RBFOX1: variants seen among roughly 807,000 people sequenced by gnomAD.
RBFOX1 encodes RNA binding fox-1 homolog 1, also known as RNA binding protein fox-1 homolog 1.
In RBFOX1, 8 loss-of-function variants were observed where a neutral mutation model predicts 57.7. The observed-to-expected ratio is 0.14, with a 90% CI of 0.08 to 0.25. RBFOX1 has a LOEUF of 0.25. Among genes scored for constraint, RBFOX1 ranks in the 10% least tolerant of loss-of-function variants. RBFOX1 has a pLI of 1.00. For missense variants in RBFOX1, 611 were observed against 548.5 expected (o/e 1.11, Z -1.14); for synonymous variants, 326 against 222.4 (o/e 1.47, Z -4.15).
intron 2 of RBFOX1, among the ~76,000 whole-genome samples, chr16:6,637,174 T>TTA (rs1191238278): frequency 1.4e-5 from 1 of 71,574 alleles, no homozygotes; most frequent in African/African-American, 7.8e-5. Flanking sequence ...ATATTATATA[T>TTA]ATTATATAAT....
chr16:6,096,778 G>A (rs2096249744), intron 1 of RBFOX1, among the ~76,000 whole-genome samples: 2 of 152,290 alleles, frequency 1.3e-5, no homozygotes, highest in Admixed American at 6.5e-5. Flanking sequence ...TAATACCCTT[G>A]ATTATCTACC....
At chr16:7,668,107 TCAA>T (rs1002832994) in intron 13 of RBFOX1, among the ~76,000 whole-genome samples, 4 of 152,138 alleles carry the variant, frequency 2.6e-5, no homozygotes, top group Admixed American at 2.6e-4. Flanking sequence ...TCAGAGCAGG[TCAA>T]CAACTCAACA....
At chr16:7,502,360 A>T (rs961913023) in intron 4 of RBFOX1, among the ~76,000 whole-genome samples, 15 of 152,228 alleles carry the variant, frequency 9.9e-5, no homozygotes, top group African/African-American at 3.4e-4. Context: ...CTCTGGTTTC[A>T]TGTAAGAAAA....
intron 3 of RBFOX1, among the ~76,000 whole-genome samples, chr16:5,655,979 C>T (rs535175819): frequency 6.6e-6 from 1 of 152,320 alleles, no homozygotes; most frequent in South Asian, 2.1e-4. Flanking sequence ...GTCTTGTTCA[C>T]CACAATGTCA....
chr16:7,428,447 C>T (rs773318141), intron 4 of RBFOX1, among the ~76,000 whole-genome samples: 3 of 147,282 alleles, frequency 2.0e-5, no homozygotes, highest in African/African-American at 7.4e-5. Context: ...CTGCCTCAGC[C>T]CCCTGAGTAG....
intron 1 of RBFOX1, among the ~76,000 whole-genome samples, chr16:5,455,020 TTTC>T (rs1555524318): frequency 8.6e-6 from 1 of 115,914 alleles, no homozygotes; most frequent in African/African-American, 3.2e-5. Flanking sequence ...TCTTTCTTTC[TTTC>T]TCTCTCTCTG....
At chr16:5,747,906 C>G (rs13156835) in intron 3 of RBFOX1, among the ~76,000 whole-genome samples, 1 of 151,970 alleles carries the variant, frequency 6.6e-6, no homozygotes, top group African/African-American at 2.4e-5. Context: ...TTATTTCTTG[C>G]CTTCTGCTAG....
At chr16:6,811,669 C>T (rs778816301) in intron 3 of RBFOX1, among the ~76,000 whole-genome samples, 1 of 152,046 alleles carries the variant, frequency 6.6e-6, no homozygotes, top group Non-Finnish European at 1.5e-5. Context: ...GCGGGTAGAT[C>T]ATCTGAAGTC....
At chr16:6,761,612 G>C (rs967685673) in intron 3 of RBFOX1, among the ~76,000 whole-genome samples, 4 of 136,394 alleles carry the variant, frequency 2.9e-5, no homozygotes, top group African/African-American at 5.3e-5. Flanking sequence ...GATTCAAGCA[G>C]TTCTCTGCCT....
chr16:7,204,883 T>A (rs1172976261), intron 4 of RBFOX1, among the ~76,000 whole-genome samples: 1 of 152,244 alleles, frequency 6.6e-6, no homozygotes, highest in South Asian at 2.1e-4. Flanking sequence ...TGTTCTTGAC[T>A]GTTTTGGATA....
At chr16:6,501,665 C>A (rs1259639119) in intron 2 of RBFOX1, among the ~76,000 whole-genome samples, 1 of 152,120 alleles carries the variant, frequency 6.6e-6, no homozygotes, top group Non-Finnish European at 1.5e-5. Context: ...TAGACAAGGG[C>A]TCCTTCTCCT....
chr16:6,561,857 G>T (rs774904016), intron 2 of RBFOX1, among the ~76,000 whole-genome samples: 1 of 152,118 alleles, frequency 6.6e-6, no homozygotes, highest in Non-Finnish European at 1.5e-5. Context: ...TCCACAAGTT[G>T]GATTCTGGTG....
chr16:6,610,778 G>C (rs745976793), intron 2 of RBFOX1, among the ~76,000 whole-genome samples: 1 of 152,194 alleles, frequency 6.6e-6, no homozygotes, highest in Non-Finnish European at 1.5e-5. Flanking sequence ...CAAAATGTCT[G>C]TGACTTTCAC....
At chr16:7,608,331 C>G (rs1024492037) in intron 10 of RBFOX1, among the ~76,000 whole-genome samples, 3 of 152,144 alleles carry the variant, frequency 2.0e-5, no homozygotes, top group Admixed American at 1.3e-4. Context: ...TACTCTGGCA[C>G]AACAACCAGT....
chr16:6,424,178 G>T (rs768571373), intron 2 of RBFOX1, among the ~76,000 whole-genome samples: 1 of 152,210 alleles, frequency 6.6e-6, no homozygotes, highest in African/African-American at 2.4e-5. Flanking sequence ...GGCAGAGGTT[G>T]CAGTGAGCTA....
At chr16:6,469,743 G>A (rs190423875) in intron 2 of RBFOX1, among the ~76,000 whole-genome samples, 3 of 152,240 alleles carry the variant, frequency 2.0e-5, no homozygotes, top group Admixed American at 1.3e-4. Context: ...TCTCAGAATC[G>A]GAACTTTGAG....
chr16:6,382,975 C>T lies in RBFOX1; in HGVS notation c.-64+65918C>T, dbSNP rs185445105. On this transcript the variant is annotated intron_variant, in intron 2 of 15. Transcript: ENST00000550418. ...CTAAATCCTGACAAGCCAGTATTTA[C>T]GCTGCAGCCAGCCCAGGGCTCAGCT... is the stretch of plus-strand genomic sequence containing the variant. 3.0e-4 allele frequency among the ~76,000 whole-genome samples: 46 copies of T among 152,318 alleles called. No individual in the cohort carries two copies. In the East Asian group the frequency reaches 6.8e-3, roughly 22 times the overall value.
intron 3 of RBFOX1, among the ~76,000 whole-genome samples, chr16:7,051,044 A>G (rs1399511083): frequency 6.6e-6 from 1 of 152,180 alleles, no homozygotes; most frequent in East Asian, 1.9e-4. Context: ...TGGTTCCTAA[A>G]CCTTCATATC....
intron 4 of RBFOX1, among the ~76,000 whole-genome samples, chr16:7,158,073 G>T (rs2152347503): frequency 6.6e-6 from 1 of 152,260 alleles, no homozygotes; most frequent in East Asian, 1.9e-4. Context: ...GGTTGGCTGG[G>T]CGCGGTAGCT....
Sources: gnomAD v4.1 joint callset for allele counts (sites outside exome capture counted in the v4.1 genomes callset) on GRCh38, gnomAD v4.1.1 for gene constraint, MANE v1.5 for transcripts, NCBI Gene and HGNC (gene_info 2026-07-23, HGNC 2026-07-21) for gene names.